Variants in C16orf87 observed in about 807,000 individuals in gnomAD.
C16orf87 encodes UPF0547 protein C16orf87.
In C16orf87, 13 loss-of-function variants were observed where a neutral mutation model predicts 21.0. That is an observed-to-expected ratio of 0.62 (90% confidence interval 0.40 to 0.98). The LOEUF is 0.98. Ranked by LOEUF, C16orf87 falls within the 50% of genes least tolerant of loss-of-function variation. C16orf87 has a pLI of 0.00. For missense variants in C16orf87, 113 were observed against 180.4 expected (o/e 0.63, Z 2.14); for synonymous variants, 49 against 60.2 (o/e 0.81, Z 0.86).
intron 2 of C16orf87, among the ~76,000 whole-genome samples, chr16:46,816,693 C>A (rs1156285214): frequency 1.3e-5 from 2 of 152,194 alleles, no homozygotes; most frequent in Non-Finnish European, 2.9e-5. Context: ...AGAACAGAAT[C>A]TTGTTCTGTT....
At chr16:46,805,466 T>G (rs1272096590) in intron 3 of C16orf87, among the ~76,000 whole-genome samples, 1 of 152,216 alleles carries the variant, frequency 6.6e-6, no homozygotes, top group African/African-American at 2.4e-5. Flanking sequence ...CAATTTCCTT[T>G]TAAATATCAC....
chr16:46,824,735 G>A (rs1959551590), intron 1 of C16orf87, among the ~76,000 whole-genome samples: 1 of 147,772 alleles, frequency 6.8e-6, no homozygotes, highest in Non-Finnish European at 1.5e-5. Context: ...GCATGATCTA[G>A]GCTCACTGCA....
At chr16:46,813,047 C>T (rs917006940) in intron 2 of C16orf87, among the ~76,000 whole-genome samples, 11 of 152,144 alleles carry the variant, frequency 7.2e-5, no homozygotes, top group African/African-American at 2.2e-4. Flanking sequence ...AGGATTCTGT[C>T]CAGAGCCCTC....
chr16:46,807,400 G>C (rs898560538), intron 3 of C16orf87, among the ~76,000 whole-genome samples: 1 of 151,316 alleles, frequency 6.6e-6, no homozygotes, highest in African/African-American at 2.4e-5. Flanking sequence ...CTGGGTAACA[G>C]AGTGAGACGC....
intron 3 of C16orf87, 111 bp downstream of exon 3, chr16:46,809,492 T>C: frequency 1.5e-6 from 1 of 668,992 alleles, no homozygotes; most frequent in Non-Finnish European, 2.6e-6. Flanking sequence ...AAAATATGAG[T>C]TGTGATTTTT....
rs1459186868 is a variant in C16orf87, at chr16:46,799,200, T to C, written c.*3752A>G. On this transcript the variant is annotated 3_prime_UTR_variant, in exon 4 of 4. Coordinates refer to ENST00000285697, the MANE Select transcript of C16orf87 (RefSeq NM_001001436.4). ...TTGTATGTTAGGATAGTTATTAGTA[T>C]AGTTGTAATCTTTGAGTAGTAAGTA... is the stretch of plus-strand genomic sequence containing the variant. 6.6e-6 allele frequency: 1 copy of C among 152,228 alleles called. No homozygotes were observed. Among genetic ancestry groups the C allele is most frequent in the East Asian group, 1.9e-4 (1 of 5,204 alleles). 9.4% of individuals were successfully genotyped at this position (152,228 alleles called of 1,614,324 possible).
intron 1 of C16orf87, among the ~76,000 whole-genome samples, chr16:46,829,062 T>G (rs1471981153): frequency 1.3e-5 from 2 of 152,110 alleles, no homozygotes; most frequent in East Asian, 3.8e-4. Context: ...CGCAATGTGA[T>G]GGTATTTGGA....
At chr16:46,812,438 G>A (rs1968116721) in intron 2 of C16orf87, among the ~76,000 whole-genome samples, 1 of 152,010 alleles carries the variant, frequency 6.6e-6, no homozygotes, top group African/African-American at 2.4e-5. Context: ...ATTTTTTAAT[G>A]TTCATCTTTT....
At chr16:46,821,241 A>G (rs890404701) in intron 2 of C16orf87, among the ~76,000 whole-genome samples, 9 of 152,230 alleles carry the variant, frequency 5.9e-5, no homozygotes, top group Admixed American at 2.6e-4. Context: ...CTATAAATCT[A>G]TCTTATAAAC....
At chr16:46,819,052 T>C (rs1596819891) in intron 2 of C16orf87, among the ~76,000 whole-genome samples, 1 of 152,142 alleles carries the variant, frequency 6.6e-6, no homozygotes, top group Admixed American at 6.6e-5. Context: ...AAAAAGAGGG[T>C]ATTTAAACTC....
chr16:46,803,116 A>T (rs1350549512), intron 3 of C16orf87, 46 bp from the exon 4 acceptor site: 6 of 874,542 alleles, frequency 6.9e-6, no homozygotes, highest in Admixed American at 4.8e-5. Flanking sequence ...CAGTAGATGC[A>T]GTAAATTTAA....
chr16:46,801,072 T>G lies in C16orf87; in HGVS notation c.*1880A>C, dbSNP rs1394516639. On this transcript the variant is annotated 3_prime_UTR_variant, in exon 4 of 4. Transcript: ENST00000285697. ...TGCTTATTCCACAAGCTGTTCTTGC[T>G]TTTTCTGAGGACATATATATGTATA... 1 of 152,228 alleles carries G rather than the reference T, an allele frequency of 6.6e-6. No homozygotes were observed. The highest frequency in any genetic ancestry group is 1.5e-5 in the Non-Finnish European group (1 of 68,030). The allele number at this position is 152,228 out of a possible 1,614,324, so 9.4% of individuals were successfully genotyped here.
rs1967801852 is a variant in C16orf87, at chr16:46,802,346, G to A, written c.*606C>T. ...ACCCAAACTTCAAACTGTCTAGAAA[G>A]TATCTCCTAAAATATAACTCATACC... is the stretch of plus-strand genomic sequence containing the variant. On this transcript the variant is annotated 3_prime_UTR_variant, in exon 4 of 4. Transcript: ENST00000285697. 1 of 151,020 alleles carries A rather than the reference G, an allele frequency of 6.6e-6. No homozygotes were observed. 9.4% of individuals were successfully genotyped at this position (151,020 alleles called of 1,614,324 possible).
At chr16:46,828,671 A>C (rs1358527353) in intron 1 of C16orf87, among the ~76,000 whole-genome samples, 2 of 152,242 alleles carry the variant, frequency 1.3e-5, no homozygotes, top group Admixed American at 1.3e-4. Context: ...AATCTAGTCA[A>C]CTGGGAAATC....
chr16:46,799,891 G>A lies in C16orf87; in HGVS notation c.*3061C>T, dbSNP rs1046081426. The A allele has an allele frequency of 6.6e-6, 1 of 152,102 alleles. No individual in the cohort carries two copies. Among genetic ancestry groups the A allele is most frequent in the East Asian group, 1.9e-4 (1 of 5,190 alleles). The allele number at this position is 152,102 out of a possible 1,614,324, so 9.4% of individuals were successfully genotyped here. ...TGGCTTCAAACAACTCTCCTGCCTT[G>A]GCCTCCCAAAGTGTTGGGATTACAG... On this transcript the variant is annotated 3_prime_UTR_variant, in exon 4 of 4. Coordinates refer to ENST00000285697, the MANE Select transcript of C16orf87 (RefSeq NM_001001436.4).
chr16:46,826,709 T>C lies in C16orf87; in HGVS notation c.67-2227A>G, dbSNP rs780565210. Among the ~76,000 whole-genome samples the C allele has an allele frequency of 2.8e-4, 43 of 152,344 alleles. 1 individual carries two copies. Among genetic ancestry groups the C allele is most frequent in the East Asian group, 9.6e-4 (5 of 5,190 alleles). On this transcript the variant is annotated intron_variant, in intron 1 of 3. Transcript: ENST00000285697. ...TACATTTTTTAAATAGTGTAAAATC[T>C]GTCTAAAATAGATGTCTGACATTTT...
intron 2 of C16orf87, among the ~76,000 whole-genome samples, chr16:46,814,680 C>G (rs1272965395): frequency 6.6e-6 from 1 of 152,094 alleles, no homozygotes; most frequent in Non-Finnish European, 1.5e-5. Flanking sequence ...TTGTATCACA[C>G]CAACAGTCAA....
intron 2 of C16orf87, among the ~76,000 whole-genome samples, chr16:46,816,190 A>C (rs1968232694): frequency 6.6e-6 from 1 of 152,204 alleles, no homozygotes; most frequent in South Asian, 2.1e-4. Context: ...AGTGAAATTC[A>C]CAGACAGAGA....
At chr16:46,821,298 C>G (rs1000837245) in intron 2 of C16orf87, among the ~76,000 whole-genome samples, 17 of 152,208 alleles carry the variant, frequency 1.1e-4, no homozygotes, top group African/African-American at 3.6e-4. Flanking sequence ...TAGAAAGGGA[C>G]AGAATCTGAA....
Sources: gnomAD v4.1 joint callset for allele counts (sites outside exome capture counted in the v4.1 genomes callset) on GRCh38, gnomAD v4.1.1 for gene constraint, MANE v1.5 for transcripts, NCBI Gene and HGNC (gene_info 2026-07-23, HGNC 2026-07-21) for gene names.